Variants in R3HCC1L observed in about 807,000 individuals in gnomAD.
The protein encoded by R3HCC1L is coiled-coil domain-containing protein R3HCC1L.
R3HCC1L carries 51 observed loss-of-function variants against 59.9 expected under a neutral mutation model. That is an observed-to-expected ratio of 0.85 (90% CI 0.68 to 1.07). The LOEUF (loss-of-function observed/expected upper bound fraction) is 1.07, where lower values mean the gene tolerates loss of function less well. R3HCC1L is among the 50% of genes least tolerant of loss of function. The pLI, the probability that R3HCC1L is intolerant of heterozygous loss-of-function variation, is 0.00. For synonymous variants in R3HCC1L, 322 were observed against 315.2 expected (o/e 1.02, Z -0.23); for missense variants, 965 against 933.0 (o/e 1.03, Z -0.45).
At chr10:98,230,349 A>AT (rs1856223700) in intron 5 of R3HCC1L, among the ~76,000 whole-genome samples, 1 of 151,918 alleles carries the variant, frequency 6.6e-6, no homozygotes, top group Non-Finnish European at 1.5e-5. Context: ...TTTCTTCTAG[A>AT]TTTTCCAGTT....
chr10:98,235,341 T>G, intron 7 of R3HCC1L, 84 bp from the exon 8 acceptor site: 1 of 1,141,348 alleles, frequency 8.8e-7, no homozygotes, highest in Non-Finnish European at 1.3e-6. Flanking sequence ...GCATAACATC[T>G]AGGAAATACT....
chr10:98,230,854 T>A (rs936613550), intron 5 of R3HCC1L, among the ~76,000 whole-genome samples: 1 of 152,208 alleles, frequency 6.6e-6, no homozygotes, highest in Non-Finnish European at 1.5e-5. Flanking sequence ...CAGCTTTTTT[T>A]ATAGGACGGT....
chr10:98,231,063 T>G, intron 5 of R3HCC1L: 1 of 421,204 alleles, frequency 2.4e-6, no homozygotes, highest in Non-Finnish European at 4.7e-6. Context: ...TTTTTTTGAA[T>G]TTTATTTAAA....
chr10:98,166,655 T>C (rs1356000982), intron 4 of R3HCC1L, among the ~76,000 whole-genome samples: 1 of 152,206 alleles, frequency 6.6e-6, no homozygotes, highest in Non-Finnish European at 1.5e-5. Context: ...TAGAGACATA[T>C]ATTCCCTTAA....
At chr10:98,227,886 C>T (rs2135562301) in intron 5 of R3HCC1L, among the ~76,000 whole-genome samples, 2 of 152,240 alleles carry the variant, frequency 1.3e-5, no homozygotes, top group East Asian at 3.9e-4. Flanking sequence ...CCAGCTTCAA[C>T]CATGTCCCTA....
chr10:98,191,683 T>C (rs1428694446), intron 4 of R3HCC1L, among the ~76,000 whole-genome samples: 2 of 152,224 alleles, frequency 1.3e-5, no homozygotes, highest in African/African-American at 2.4e-5. Context: ...AATTTTGGCT[T>C]TTGTTGCCAT....
chr10:98,198,832 G>A (rs1158696697), intron 4 of R3HCC1L, among the ~76,000 whole-genome samples: 1 of 152,066 alleles, frequency 6.6e-6, no homozygotes, highest in Non-Finnish European at 1.5e-5. Context: ...TGTGGCATTA[G>A]GGATATGGCA....
intron 5 of R3HCC1L, among the ~76,000 whole-genome samples, chr10:98,214,918 T>G (rs1255785075): frequency 6.6e-6 from 1 of 152,224 alleles, no homozygotes; most frequent in Non-Finnish European, 1.5e-5. Context: ...AGTCTAGCTC[T>G]AGTCTAGTCT....
At chr10:98,215,764 A>C (rs1252515882) in intron 5 of R3HCC1L, among the ~76,000 whole-genome samples, 2 of 152,198 alleles carry the variant, frequency 1.3e-5, no homozygotes, top group East Asian at 3.8e-4. Context: ...AAGCAATAAC[A>C]ATATGTTGAT....
chr10:98,235,577 C>T (rs1487179494), intron 8 of R3HCC1L, 57 bp downstream of exon 8: 1 of 1,400,976 alleles, frequency 7.1e-7, no homozygotes, highest in Admixed American at 2.3e-5. Flanking sequence ...TTGTTCTTTC[C>T]AGAAGTTTTA....
Position 98,148,676 on chromosome 10 carries a change from T to C in R3HCC1L, c.-267-7417T>C, listed in dbSNP as rs373034289. ...TTTGTTCTTGGTTCTGTTAATGTAA[T>C]GTGTCATGTTTATTGATTTGCATAT... On this transcript the variant is annotated intron_variant, in intron 1 of 9. Coordinates refer to ENST00000298999, the MANE Select transcript of R3HCC1L (RefSeq NM_001351015.2). Among the ~76,000 whole-genome samples, 17 of 152,348 alleles carry C rather than the reference T, an allele frequency of 1.1e-4. No homozygotes were observed. In the East Asian group the frequency reaches 3.3e-3, roughly 29 times the overall value.
At chr10:98,232,478 G>A (rs980598640) in intron 6 of R3HCC1L, among the ~76,000 whole-genome samples, 28 of 152,108 alleles carry the variant, frequency 1.8e-4, no homozygotes, top group Non-Finnish European at 5.9e-5. Flanking sequence ...AAAAGAGTTA[G>A]AAGTAGATAC....
chr10:98,215,057 C>A (rs4919188), intron 5 of R3HCC1L, among the ~76,000 whole-genome samples: 1 of 152,040 alleles, frequency 6.6e-6, no homozygotes, highest in South Asian at 2.1e-4. Flanking sequence ...TCTAGCCCTG[C>A]GCTCTTTCCA....
At chr10:98,238,664 G>A (rs181064265) in intron 9 of R3HCC1L, among the ~76,000 whole-genome samples, 11 of 152,206 alleles carry the variant, frequency 7.2e-5, no homozygotes, top group East Asian at 3.9e-4. Context: ...TCTAGGTACC[G>A]CTGATTAAAA....
At position 98,135,031 on chromosome 10, in the gene R3HCC1L, A is replaced by G. The variant is rs555732866; in HGVS notation, c.-268+325A>G. On this transcript the variant is annotated intron_variant, in intron 1 of 9. Coordinates refer to ENST00000298999, the MANE Select transcript of R3HCC1L (RefSeq NM_001351015.2). ...TTTTTCTGGGTTTCAACAGGTATTG[A>G]GCGGGGTCCCTGGTTACCCCCTCGG... Among the ~76,000 whole-genome samples, 3 of 152,160 alleles carry G rather than the reference A, an allele frequency of 2.0e-5. No individual in the cohort carries two copies. The South Asian group carries it at 6.2e-4, about 32-fold the overall frequency.
At chr10:98,184,684 G>A (rs2134671271) in intron 4 of R3HCC1L, among the ~76,000 whole-genome samples, 1 of 152,308 alleles carries the variant, frequency 6.6e-6, no homozygotes, top group Middle Eastern at 3.4e-3. Flanking sequence ...GAGATGGGGA[G>A]GACATTTTGT....
intron 5 of R3HCC1L, among the ~76,000 whole-genome samples, chr10:98,224,994 ATTT>A (rs1855504449): frequency 6.6e-6 from 1 of 152,246 alleles, no homozygotes; most frequent in Admixed American, 6.5e-5. Flanking sequence ...TTAATAATAT[ATTT>A]TAACCTAATA....
At position 98,226,971 on chromosome 10, in the gene R3HCC1L, T is replaced by C. The variant is rs183058525; in HGVS notation, c.1786-4541T>C. Among the ~76,000 whole-genome samples, 9 of 152,366 alleles carry C rather than the reference T, an allele frequency of 5.9e-5. No individual in the cohort carries two copies. The East Asian group carries it at 1.7e-3, about 29-fold the overall frequency. ...TCCCTTGTTATCTTACAAACTCAGC[T>C]CTCTGGTAAACTCAAGAAAAGTTAT... On this transcript the variant is annotated intron_variant, in intron 5 of 9. Coordinates refer to ENST00000298999, the MANE Select transcript of R3HCC1L (RefSeq NM_001351015.2).
At chr10:98,223,033 T>C (rs533792215) in intron 5 of R3HCC1L, among the ~76,000 whole-genome samples, 359 of 151,858 alleles carry the variant, frequency 2.4e-3, no homozygotes, top group African/African-American at 7.8e-3. Flanking sequence ...GATCTGAAAT[T>C]GTGGCAATAA....
Sources: allele counts gnomAD v4.1 joint callset (sites outside exome capture counted in the v4.1 genomes callset), GRCh38; gene constraint gnomAD v4.1.1; transcripts MANE v1.5; gene names NCBI Gene and HGNC (gene_info 2026-07-23, HGNC 2026-07-21).